The following CDH4 variants were observed in gnomAD, a reference collection of about 807,000 sequenced individuals.
The protein encoded by CDH4 is cadherin-4.
A neutral mutation model predicts 86.0 loss-of-function variants in CDH4; 33 were observed. The observed-to-expected ratio is 0.38, with a 90% CI of 0.29 to 0.51. CDH4 has a LOEUF of 0.51. CDH4 is among the 20% of genes least tolerant of loss of function. The probability of loss-of-function intolerance (pLI) is 0.86; values close to 1 mark genes in which losing one functional copy is unlikely to be tolerated. For synonymous variants in CDH4, 555 were observed against 549.4 expected (o/e 1.01, Z -0.14); for missense variants, 1,114 against 1,307.4 (o/e 0.85, Z 2.28).
chr20:61,557,474 G>A (rs574912986), intron 2 of CDH4, among the ~76,000 whole-genome samples: 6 of 152,182 alleles, frequency 3.9e-5, no homozygotes, highest in Non-Finnish European at 5.9e-5. Context: ...CATGGTTGCC[G>A]TCGAGTGGGA....
intron 2 of CDH4, among the ~76,000 whole-genome samples, chr20:61,344,973 A>G (rs1255474758): frequency 6.6e-6 from 1 of 152,210 alleles, no homozygotes; most frequent in Admixed American, 6.5e-5. Context: ...TGAGTGCCCA[A>G]CTGTGCTGTG....
chr20:61,365,710 G>C lies in CDH4; in HGVS notation c.169+110773G>C, dbSNP rs150527438. Among the ~76,000 whole-genome samples, 171 of 152,268 alleles carry C rather than the reference G, an allele frequency of 1.1e-3. 1 individual carries two copies. Among genetic ancestry groups the C allele is most frequent in the African/African-American group, 3.9e-3 (160 of 41,552 alleles). ...GCAGCAGAGTCCAGCACAGCAGAGA[G>C]AGGCTCAGAACATTAGTGGGGCTGC... On this transcript the variant is annotated intron_variant, in intron 2 of 15. Transcript: ENST00000614565.
intron 2 of CDH4, among the ~76,000 whole-genome samples, chr20:61,620,223 T>TGGACAGAC (rs1244782926): frequency 2.1e-4 from 28 of 133,170 alleles, no homozygotes; most frequent in African/African-American, 7.1e-4. Context: ...GGCAGGCTGG[T>TGGACAGAC]AGGCAGACAG....
At chr20:61,282,741 A>G (rs1837318516) in intron 2 of CDH4, among the ~76,000 whole-genome samples, 1 of 152,258 alleles carries the variant, frequency 6.6e-6, no homozygotes. Context: ...ACAAGCATGC[A>G]TGTAAATGTG....
At chr20:61,484,806 A>G (rs539659128) in intron 2 of CDH4, among the ~76,000 whole-genome samples, 1 of 152,312 alleles carries the variant, frequency 6.6e-6, no homozygotes, top group South Asian at 2.1e-4. Flanking sequence ...AACCCGCATC[A>G]TCACAGTGTT....
At chr20:61,273,559 ACCGTGTGCAGT>A (rs2084200387) in intron 2 of CDH4, among the ~76,000 whole-genome samples, 201 of 131,350 alleles carry the variant, frequency 1.5e-3, no homozygotes, top group Non-Finnish European at 2.1e-3. Flanking sequence ...TTGGAGGAGT[ACCGTGTGCAGT>A]TTGGGGGAAT....
At chr20:61,899,322 T>C (rs1600751797) in intron 8 of CDH4, among the ~76,000 whole-genome samples, 1 of 152,142 alleles carries the variant, frequency 6.6e-6, no homozygotes, top group Non-Finnish European at 1.5e-5. Context: ...TGGTATATCA[T>C]TGTTGTAGTT....
chr20:61,400,640 C>A (rs1045652442), intron 2 of CDH4, among the ~76,000 whole-genome samples: 11 of 152,224 alleles, frequency 7.2e-5, no homozygotes, highest in Non-Finnish European at 1.3e-4. Flanking sequence ...AACACATAGG[C>A]TCCTTAGTCA....
At chr20:61,514,817 C>T (rs531847539) in intron 2 of CDH4, among the ~76,000 whole-genome samples, 80 of 152,348 alleles carry the variant, frequency 5.3e-4, no homozygotes, top group African/African-American at 1.8e-3. Flanking sequence ...TCAAGAACAG[C>T]TCTGGAATTG....
rs2054806976 is a variant in CDH4 at position 61,907,769 on chromosome 20, GCT to G, written c.1189-2652_1189-2651del. Among the ~76,000 whole-genome samples the G allele has an allele frequency of 2.6e-5, 4 of 152,332 alleles. No individual in the cohort carries two copies. The East Asian group carries it at 7.7e-4, about 29-fold the overall frequency. On this transcript the variant is annotated intron_variant, in intron 8 of 15. Transcript: ENST00000614565. The stretch of plus-strand genomic sequence containing the variant: ...GCCACCTGGCTCAGGAACAGAGACA[GCT>G]GGGAGATTCCGTCCCACACTAGACA...
At chr20:61,554,731 A>G (rs937339186) in intron 2 of CDH4, among the ~76,000 whole-genome samples, 10 of 152,266 alleles carry the variant, frequency 6.6e-5, no homozygotes, top group Non-Finnish European at 2.9e-5. Context: ...GTGTGTACAC[A>G]CATGTACATG....
chr20:61,445,437 G>GT (rs1467236522), intron 2 of CDH4, among the ~76,000 whole-genome samples: 1 of 152,218 alleles, frequency 6.6e-6, no homozygotes, highest in Non-Finnish European at 1.5e-5. Context: ...ACCAGCCACA[G>GT]TGAGGGCCCT....
At chr20:61,485,272 CT>C (rs1451414966) in intron 2 of CDH4, among the ~76,000 whole-genome samples, 1 of 152,188 alleles carries the variant, frequency 6.6e-6, no homozygotes, top group Non-Finnish European at 1.5e-5. Flanking sequence ...ACCTGCCCAA[CT>C]TTTTGTTATT....
chr20:61,593,233 G>A (rs187987218), intron 2 of CDH4, among the ~76,000 whole-genome samples: 288 of 152,338 alleles, frequency 1.9e-3, no homozygotes, highest in Middle Eastern at 0.01. Context: ...CACTTTGTCC[G>A]TCCTTGCCTG....
intron 9 of CDH4, among the ~76,000 whole-genome samples, chr20:61,920,120 A>G (rs1374375447): frequency 8.6e-4 from 3 of 3,502 alleles, no homozygotes; most frequent in African/African-American, 1.0e-3. Flanking sequence ...GAAGCGTGTC[A>G]CGGTGATTGC....
At chr20:61,803,841 C>T (rs935756454) in intron 4 of CDH4, among the ~76,000 whole-genome samples, 2 of 152,238 alleles carry the variant, frequency 1.3e-5, no homozygotes, top group South Asian at 4.1e-4. Flanking sequence ...CTGAAAAACA[C>T]ACGCCACCCA....
At chr20:61,284,056 C>T (rs183864492) in intron 2 of CDH4, among the ~76,000 whole-genome samples, 3 of 151,884 alleles carry the variant, frequency 2.0e-5, no homozygotes, top group Admixed American at 6.6e-5. Context: ...CCTGTAATCC[C>T]AGCACTTTGG....
intron 4 of CDH4, among the ~76,000 whole-genome samples, chr20:61,842,213 G>A (rs1982208753): frequency 6.6e-6 from 1 of 152,248 alleles, no homozygotes; most frequent in East Asian, 1.9e-4. Context: ...TGTCTCTGAG[G>A]TAAGTGCTAT....
chr20:61,468,427 C>T (rs1329407083), intron 2 of CDH4, among the ~76,000 whole-genome samples: 3 of 152,010 alleles, frequency 2.0e-5, no homozygotes, highest in Non-Finnish European at 4.4e-5. Context: ...TTTCTGGATA[C>T]ATAGAAGGTA....
Sources: gnomAD v4.1 joint callset for allele counts (sites outside exome capture counted in the v4.1 genomes callset) on GRCh38, gnomAD v4.1.1 for gene constraint, MANE v1.5 for transcripts, NCBI Gene and HGNC (gene_info 2026-07-23, HGNC 2026-07-21) for gene names.